JAG1: variants seen among roughly 807,000 people sequenced by gnomAD.
The protein encoded by JAG1 is jagged canonical Notch ligand 1.
A neutral mutation model predicts 148.7 loss-of-function variants in JAG1; 23 were observed. That is an observed-to-expected ratio of 0.15 (90% CI 0.11 to 0.22). The LOEUF (loss-of-function observed/expected upper bound fraction) is 0.22, where lower values mean the gene tolerates loss of function less well. Ranked by LOEUF, JAG1 falls within the 10% of genes least tolerant of loss-of-function variation. The pLI, the probability that JAG1 is intolerant of heterozygous loss-of-function variation, is 1.00. For synonymous variants in JAG1, 572 were observed against 598.3 expected, an observed-to-expected ratio of 0.96 and a Z score of 0.64; for missense variants, 1,054 against 1,611.2, an observed-to-expected ratio of 0.65 and a Z score of 5.92.
chr20:10,652,875 C>T (rs1387800928), intron 5 of JAG1, among the ~76,000 whole-genome samples: 4 of 152,072 alleles, frequency 2.6e-5, no homozygotes, highest in Non-Finnish European at 5.9e-5. Flanking sequence ...CAGGCTCACA[C>T]GAGTGAGCCA....
Position 10,645,816 on chromosome 20 carries a change from G to A in JAG1, c.1999+155C>T. 2 of 706,436 alleles carry A rather than the reference G, an allele frequency of 2.8e-6. No individual in the cohort carries two copies. The highest frequency in any genetic ancestry group is 1.6e-5 in the South Asian group (1 of 63,722). 43.8% of individuals were successfully genotyped at this position (706,436 alleles called of 1,614,324 possible). On this transcript the variant is annotated intron_variant, in intron 15 of 25. Transcript: ENST00000254958. The surrounding 1 kb of genome is among the most constrained non-coding windows in gnomAD (Gnocchi z 6.1). ...TAAGCTATCATCAGGACTCATAAAT[G>A]CAAATGAGACACAAGTGATACTGTC...
In JAG1 at chr20:10,641,463, T is replaced by C; in HGVS notation, c.2913A>G (p.Ser971=). 1 of 1,611,522 alleles carries C rather than the reference T, an allele frequency of 6.2e-7. No individual in the cohort carries two copies. Among genetic ancestry groups the C allele is most frequent in the Non-Finnish European group, 8.5e-7 (1 of 1,178,234 alleles). ...AAAAACAAAGGTTGTTACATACTGG[T>C]GACATCATCTCCTTGTTAAAGGTAA... The part of the protein sequence containing the change: ...ITFTFNKEMM[S]PGLTTEHICS... Residue 971 remains serine (S), a synonymous_variant, in exon 23 of 26, where the codon TCA becomes TCG. Transcript: ENST00000254958.
intron 4 of JAG1, 92 bp downstream of exon 4, chr20:10,658,376 G>T: frequency 6.5e-7 from 1 of 1,546,928 alleles, no homozygotes; most frequent in Non-Finnish European, 8.8e-7. Flanking sequence ...CACCCCACCT[G>T]AGATAGCCGC....
rs1277634466 is a variant in JAG1 at position 10,673,184 on chromosome 20, C to T, written c.82-178G>A. ...TCCGGGGCAAAAAAAAAAAAAAATG[C>T]ACGAGTGCGGAAGAAATCCGACGAC... On this transcript the variant is annotated intron_variant, in intron 1 of 25. Transcript: ENST00000254958. The surrounding 1 kb of genome is among the most constrained non-coding windows in gnomAD (Gnocchi z 4.7). Among the ~76,000 whole-genome samples the T allele has an allele frequency of 3.4e-5, 5 of 147,316 alleles. No homozygotes were observed. Among genetic ancestry groups the T allele is most frequent in the African/African-American group, 4.9e-5 (2 of 40,550 alleles).
Position 10,673,778 on chromosome 20 carries a change from C to T in JAG1, c.-248G>A. The T allele has an allele frequency of 4.4e-6, 1 of 229,722 alleles. No individual in the cohort carries two copies. Among genetic ancestry groups the T allele is most frequent in the Non-Finnish European group, 8.3e-6 (1 of 120,214 alleles). The allele number at this position is 229,722 out of a possible 1,614,324, so 14.2% of individuals were successfully genotyped here. On this transcript the variant is annotated 5_prime_UTR_variant, in exon 1 of 26. Coordinates refer to ENST00000254958, the MANE Select transcript of JAG1 (RefSeq NM_000214.3). The surrounding 1 kb of genome is among the most constrained non-coding windows in gnomAD (Gnocchi z 4.7). ...TCTGATCGCTTCTTTGAGACGCTCC[C>T]CCTCCTCTTCCACCTCCCGGCTTTC... is the stretch of plus-strand genomic sequence containing the variant.
At chr20:10,667,286 ACAGT>A (rs1304827209) in intron 2 of JAG1, among the ~76,000 whole-genome samples, 1 of 152,230 alleles carries the variant, frequency 6.6e-6, no homozygotes, top group Non-Finnish European at 1.5e-5. Flanking sequence ...GCCATTGTGC[ACAGT>A]CAGTCGGCTC....
In JAG1 at chr20:10,668,111, A is replaced by AAAAAAC. The variant is rs2067469222; in HGVS notation, c.388-4103_388-4098dup. On this transcript the variant is annotated intron_variant, in intron 2 of 25. Coordinates refer to ENST00000254958, the MANE Select transcript of JAG1 (RefSeq NM_000214.3). ...GCACCATAAAAAAAAAAAAAAAAAA[A>AAAAAAC]AAAAACAGCAGTCACAGGGCTGCTG... 1.3e-5 allele frequency among the ~76,000 whole-genome samples: 2 copies of AAAAAAC among 149,566 alleles called. 1 individual carries two copies. Among genetic ancestry groups the AAAAAAC allele is most frequent in the Admixed American group, 1.3e-4 (2 of 15,158 alleles).
intron 3 of JAG1, among the ~76,000 whole-genome samples, chr20:10,660,546 A>G (rs1169895487): frequency 6.6e-6 from 1 of 152,202 alleles, no homozygotes; most frequent in Non-Finnish European, 1.5e-5. Flanking sequence ...TTTAGACAAG[A>G]GTCCAGGGCA....
At chr20:10,654,123 C>T (rs757398104) in intron 5 of JAG1, among the ~76,000 whole-genome samples, 4 of 152,184 alleles carry the variant, frequency 2.6e-5, no homozygotes, top group Non-Finnish European at 5.9e-5. Context: ...GAACTGATTA[C>T]GAAATGGCAA....
At chr20:10,671,320 T>C (rs529459694) in intron 2 of JAG1, among the ~76,000 whole-genome samples, 103 of 152,330 alleles carry the variant, frequency 6.8e-4, no homozygotes, top group African/African-American at 2.3e-3. Flanking sequence ...GAAACAGCCC[T>C]TGGACCTCAA....
chr20:10,648,810 T>C (rs1568796402), intron 11 of JAG1, 88 bp from the exon 12 acceptor site: 8 of 1,342,686 alleles, frequency 6.0e-6, no homozygotes, highest in Non-Finnish European at 8.5e-6. Context: ...GCATGACTGT[T>C]GCGGTTTAGC....
chr20:10,643,090 T>C (rs976619916), intron 20 of JAG1, among the ~76,000 whole-genome samples: 3 of 152,202 alleles, frequency 2.0e-5, no homozygotes, highest in African/African-American at 7.2e-5. Flanking sequence ...TTGCCAACTG[T>C]TTATTTAGAA....
At chr20:10,651,499 G>A in intron 8 of JAG1, 82 bp downstream of exon 8, 1 of 900,050 alleles carries the variant, frequency 1.1e-6, no homozygotes, top group South Asian at 1.4e-5. Flanking sequence ...ATTCACACTG[G>A]ACAAGCCTAG....
At chr20:10,646,667 CTGGGCGTGG>C (rs1469541452) in intron 14 of JAG1, among the ~76,000 whole-genome samples, 4 of 152,106 alleles carry the variant, frequency 2.6e-5, no homozygotes, top group East Asian at 1.9e-4. Flanking sequence ...ACAAAATTAG[CTGGGCGTGG>C]TGGGCGTGGT....
chr20:10,666,535 C>G (rs1048666067), intron 2 of JAG1, among the ~76,000 whole-genome samples: 4 of 152,184 alleles, frequency 2.6e-5, no homozygotes, highest in African/African-American at 7.2e-5. Context: ...AAAACAACAA[C>G]AACAAAAGCA....
chr20:10,643,466 T>C (rs1330316217), intron 20 of JAG1, among the ~76,000 whole-genome samples: 1 of 152,154 alleles, frequency 6.6e-6, no homozygotes, highest in African/African-American at 2.4e-5. Flanking sequence ...TGCTTGCCCA[T>C]AATTTCATGT....
At position 10,649,054 on chromosome 20, in the gene JAG1, T is replaced by C. The variant is rs777419372; in HGVS notation, c.1395+7A>G. 1.2e-6 allele frequency: 2 copies of C among 1,604,864 alleles called. No homozygotes were observed. Among genetic ancestry groups the C allele is most frequent in the Non-Finnish European group, 1.7e-6 (2 of 1,171,558 alleles). On this transcript the variant is annotated splice_region_variant and intron_variant, in intron 11 of 25. Transcript: ENST00000254958. ...CAAAGTTTTGATTTAAGCAAAGATTTACATACCCGACAGGAGGCGTCATTC... is the reference window on the plus strand; with the variant it reads ...CAAAGTTTTGATTTAAGCAAAGATTCACATACCCGACAGGAGGCGTCATTC...
At chr20:10,664,412 A>ACAC (rs398035347) in intron 2 of JAG1, among the ~76,000 whole-genome samples, 2 of 150,742 alleles carry the variant, frequency 1.3e-5, no homozygotes, top group Non-Finnish European at 2.9e-5. Context: ...ACACACACAC[A>ACAC]AAGAATTTAT....
intron 25 of JAG1, among the ~76,000 whole-genome samples, chr20:10,640,310 CACAG>C (rs1214519723): frequency 6.6e-6 from 1 of 152,222 alleles, no homozygotes; most frequent in Non-Finnish European, 1.5e-5. Context: ...TTCAAATTAG[CACAG>C]ACAGCTCAAA....
Sources: allele counts gnomAD v4.1 joint callset (sites outside exome capture counted in the v4.1 genomes callset), GRCh38; gene constraint gnomAD v4.1.1; non-coding constraint Gnocchi (gnomAD v3.1); transcripts MANE v1.5; gene names NCBI Gene and HGNC (gene_info 2026-07-23, HGNC 2026-07-21).